Variants in IL1RL1 observed in about 807,000 individuals in gnomAD.
The protein encoded by IL1RL1 is interleukin-1 receptor-like 1.
IL1RL1 carries 32 observed loss-of-function variants against 50.9 expected under a neutral mutation model. The observed-to-expected ratio is 0.63, with a 90% CI of 0.47 to 0.84. The LOEUF (loss-of-function observed/expected upper bound fraction) is 0.84. Ranked by LOEUF, IL1RL1 falls within the 40% of genes least tolerant of loss-of-function variation. The probability of loss-of-function intolerance (pLI) is 0.00; values close to 1 mark genes in which losing one functional copy is unlikely to be tolerated. For synonymous variants in IL1RL1, 275 were observed against 236.0 expected (o/e 1.17, Z -1.51); for missense variants, 773 against 662.9 (o/e 1.17, Z -1.82).
At chr2:102,349,020 A>G in intron 9 of IL1RL1, 59 bp from the exon 10 acceptor site, 3 of 1,305,252 alleles carry the variant, frequency 2.3e-6, no homozygotes, top group East Asian at 2.3e-5. Context: ...GTCTTCAAAG[A>G]GTCCAGTGAG....
chr2:102,311,786 CATT>C (rs1397802697), intron 1 of IL1RL1, among the ~76,000 whole-genome samples, 163 bp downstream of exon 1: 2 of 96,680 alleles, frequency 2.1e-5, no homozygotes, highest in African/African-American at 8.0e-5. Context: ...ATTGTTATAA[CATT>C]ATAACAATTA....
chr2:102,327,635 A>G (rs1342959178), intron 1 of IL1RL1, among the ~76,000 whole-genome samples: 1 of 152,248 alleles, frequency 6.6e-6, no homozygotes, highest in Non-Finnish European at 1.5e-5. Context: ...AAAAGGGAGA[A>G]GAATCAAATA....
rs772045141 is a variant in IL1RL1, at chr2:102,343,120, C to T, written c.767C>T (p.Thr256Ile). The part of the protein sequence containing the change: ...LAAVLWQLNG[T>I]KITDFGEPRI... Reference sequence around the variant, plus strand: ...GCCGTCCTGTGGCAGCTTAATGGAACAAAAATTACAGACTTTGGTGAACCA... The same window carrying T: ...GCCGTCCTGTGGCAGCTTAATGGAATAAAAATTACAGACTTTGGTGAACCA... Residue 256 changes from threonine to isoleucine, a missense_variant, in exon 7 of 11, where the codon ACA becomes ATA. Physicochemically the swap from Thr to Ile is moderately conservative, Grantham distance 89 (BLOSUM62 -1). Transcript: ENST00000233954. The T allele has an allele frequency of 1.6e-5, 26 of 1,613,864 alleles. No homozygotes were observed. The highest frequency in any genetic ancestry group is 2.7e-5 in the African/African-American group (2 of 74,878).
chr2:102,347,710 T>G (rs1205171148), intron 8 of IL1RL1, among the ~76,000 whole-genome samples: 1 of 152,174 alleles, frequency 6.6e-6, no homozygotes, highest in Non-Finnish European at 1.5e-5. Context: ...TTAGTTAAGT[T>G]GACAAGTGTC....
At position 102,311,924 on chromosome 2, in the gene IL1RL1, A is replaced by C. The variant is rs1428012921; in HGVS notation, c.-150+301A>C. 7.8e-5 allele frequency among the ~76,000 whole-genome samples: 4 copies of C among 51,078 alleles called. No homozygotes were observed. In the East Asian group the frequency reaches 2.8e-3, roughly 35 times the overall value. 33.5% of individuals were successfully genotyped at this position (51,078 alleles called of 152,430 possible). A position where few individuals can be genotyped will look rare whatever the true frequency, so the allele number is the denominator to read the frequency against. ...ATATATGTTATATATTTTATTATAT[A>C]ATATATATTATATATAATATTATAT... On this transcript the variant is annotated intron_variant, in intron 1 of 10. Coordinates refer to ENST00000233954, the MANE Select transcript of IL1RL1 (RefSeq NM_016232.5).
chr2:102,330,513 T>C (rs371574834), intron 1 of IL1RL1, among the ~76,000 whole-genome samples: 1 of 152,180 alleles, frequency 6.6e-6, no homozygotes, highest in South Asian at 2.1e-4. Flanking sequence ...TAGAATCTCA[T>C]TGTGATTTTA....
intron 8 of IL1RL1, chr2:102,344,766 C>A: frequency 1.1e-6 from 1 of 938,458 alleles, no homozygotes; most frequent in African/African-American, 1.8e-5. Context: ...TTCTACTTCT[C>A]TAGCTATAAG....
intron 1 of IL1RL1, among the ~76,000 whole-genome samples, chr2:102,320,816 C>T (rs1676815794): frequency 6.6e-6 from 1 of 152,214 alleles, no homozygotes; most frequent in African/African-American, 2.4e-5. Context: ...CCGTCTCTGT[C>T]TCACCTGGAT....
chr2:102,342,407 G>A (rs1222431110), intron 6 of IL1RL1, 113 bp downstream of exon 6: 2 of 706,606 alleles, frequency 2.8e-6, no homozygotes, highest in East Asian at 2.6e-5. Flanking sequence ...GAACCTTGAG[G>A]AGTAAGTGAG....
Position 102,343,409 on chromosome 2 carries a change from A to T in IL1RL1, c.964A>T (p.Asn322Tyr). ...RRHTVRLSRKNPIDHHSIYCI... is the reference protein window; with the variant it reads ...RRHTVRLSRKYPIDHHSIYCI... ...GCACACCGTAAGACTAAGTAGGAAAAATCCAAGTAAGGAGTGTTTCTGAGA... is the reference window on the plus strand; with the variant it reads ...GCACACCGTAAGACTAAGTAGGAAATATCCAAGTAAGGAGTGTTTCTGAGA... The change falls in exon 8 of 11, where the codon AAT becomes TAT. Residue 322 changes from asparagine (N) to tyrosine (Y), a missense_variant. Coordinates refer to ENST00000233954, the MANE Select transcript of IL1RL1 (RefSeq NM_016232.5). The T allele has an allele frequency of 6.2e-7, 1 of 1,614,204 alleles. No individual in the cohort carries two copies. The highest frequency in any genetic ancestry group is 1.6e-4 in the Middle Eastern group (1 of 6,062).
chr2:102,326,400 G>A (rs1341282248), intron 1 of IL1RL1, among the ~76,000 whole-genome samples: 3 of 152,078 alleles, frequency 2.0e-5, no homozygotes, highest in Non-Finnish European at 2.9e-5. Flanking sequence ...GCAAAAACAT[G>A]CCAAATTGTA....
chr2:102,328,108 A>G (rs1472159489), intron 1 of IL1RL1, among the ~76,000 whole-genome samples: 1 of 152,234 alleles, frequency 6.6e-6, no homozygotes, highest in East Asian at 1.9e-4. Context: ...AATCCTCAAT[A>G]AAATACTGGC....
At chr2:102,345,963 A>G in intron 8 of IL1RL1, 4 of 985,352 alleles carry the variant, frequency 4.1e-6, no homozygotes, top group Non-Finnish European at 3.6e-6. Context: ...ATGTGTTTGA[A>G]TTATCTTCGT....
Position 102,350,094 on chromosome 2 carries a change from C to A in IL1RL1, c.1285+848C>A, listed in dbSNP as rs563703206. Among the ~76,000 whole-genome samples the A allele has an allele frequency of 1.5e-4, 13 of 87,660 alleles. No individual in the cohort carries two copies. The East Asian group carries it at 2.9e-3, about 20-fold the overall frequency. The allele number at this position is 87,660 out of a possible 152,430, so 57.5% of individuals were successfully genotyped here. On this transcript the variant is annotated intron_variant, in intron 10 of 10. Transcript: ENST00000233954. ...ATAGCCTCAATAACGGCTCAAGAGACTTGTGAAAGATACAATTTAGGAGAA... is the reference window on the plus strand; with the variant it reads ...ATAGCCTCAATAACGGCTCAAGAGAATTGTGAAAGATACAATTTAGGAGAA...
At chr2:102,345,437 C>T (rs1209216627) in intron 8 of IL1RL1, 16 of 984,992 alleles carry the variant, frequency 1.6e-5, no homozygotes, top group Non-Finnish European at 1.9e-5. Context: ...TCCTCAGGGG[C>T]TGTACAATCA....
intron 1 of IL1RL1, among the ~76,000 whole-genome samples, chr2:102,318,856 C>T (rs772718463): frequency 2.0e-5 from 3 of 151,900 alleles, no homozygotes; most frequent in Non-Finnish European, 2.9e-5. Context: ...TGGTAATTGA[C>T]GATATTGATA....
intron 10 of IL1RL1, among the ~76,000 whole-genome samples, chr2:102,349,489 G>A (rs1677874423): frequency 6.6e-6 from 1 of 152,132 alleles, no homozygotes; most frequent in Non-Finnish European, 1.5e-5. Context: ...GAAGTCCTTT[G>A]CTTCAAGGAC....
rs770673070 is a variant in IL1RL1, at chr2:102,343,134, T to G, written c.781T>G (p.Phe261Val). The change falls in exon 7 of 11, where the codon TTT (phenylalanine) becomes GTT (valine). Residue 261 changes from phenylalanine to valine, a missense_variant. Physicochemically the swap from Phe to Val is conservative, Grantham distance 50 (BLOSUM62 -1). Coordinates refer to ENST00000233954, the MANE Select transcript of IL1RL1 (RefSeq NM_016232.5). ...GCTTAATGGAACAAAAATTACAGAC[T>G]TTGGTGAACCAAGAATTCAACAAGA... The part of the protein sequence containing the change: ...WQLNGTKITD[F>V]GEPRIQQEEG... 3 of 1,613,942 alleles carry G rather than the reference T, an allele frequency of 1.9e-6. No homozygotes were observed. Among genetic ancestry groups the G allele is most frequent in the Non-Finnish European group, 2.5e-6 (3 of 1,179,974 alleles).
chr2:102,318,736 C>T (rs1463293193), intron 1 of IL1RL1, among the ~76,000 whole-genome samples: 1 of 152,010 alleles, frequency 6.6e-6, no homozygotes, highest in Non-Finnish European at 1.5e-5. Context: ...GAAGCAGTAG[C>T]CTGTGGGTCC....
Sources: allele counts gnomAD v4.1 joint callset (sites outside exome capture counted in the v4.1 genomes callset), GRCh38; gene constraint gnomAD v4.1.1; transcripts MANE v1.5; gene names NCBI Gene and HGNC (gene_info 2026-07-23, HGNC 2026-07-21).